The following SLCO3A1 variants were observed in gnomAD, a reference collection of about 807,000 sequenced individuals.
SLCO3A1 encodes PGE1 transporter.
A neutral mutation model predicts 63.1 loss-of-function variants in SLCO3A1; 27 were observed. That is an observed-to-expected ratio of 0.43 (90% CI 0.32 to 0.59). The LOEUF (loss-of-function observed/expected upper bound fraction) is 0.59. Among genes scored for constraint, SLCO3A1 ranks in the 20% least tolerant of loss-of-function variants. The pLI, the probability that SLCO3A1 is intolerant of heterozygous loss-of-function variation, is 0.09. For synonymous variants in SLCO3A1, 473 were observed against 409.9 expected (o/e 1.15, Z -1.86); for missense variants, 773 against 945.8 (o/e 0.82, Z 2.40).
chr15:91,990,422 T>A (rs967990737), intron 2 of SLCO3A1, among the ~76,000 whole-genome samples: 1 of 152,070 alleles, frequency 6.6e-6, no homozygotes, highest in Non-Finnish European at 1.5e-5. Context: ...TTTCACTCTC[T>A]CAGCACACCT....
chr15:92,128,723 G>C (rs1047966063), intron 7 of SLCO3A1, among the ~76,000 whole-genome samples: 1 of 152,206 alleles, frequency 6.6e-6, no homozygotes, highest in African/African-American at 2.4e-5. Context: ...TTCAAAGGAA[G>C]CTGTATATAT....
At chr15:92,056,451 C>G (rs2047022883) in intron 2 of SLCO3A1, among the ~76,000 whole-genome samples, 1 of 152,146 alleles carries the variant, frequency 6.6e-6, no homozygotes, top group African/African-American at 2.4e-5. Flanking sequence ...AAGTCCCTGC[C>G]ACGCTTCTAT....
At chr15:91,926,710 C>T (rs918800500) in intron 2 of SLCO3A1, among the ~76,000 whole-genome samples, 1 of 152,116 alleles carries the variant, frequency 6.6e-6, no homozygotes, top group Non-Finnish European at 1.5e-5. Flanking sequence ...TTCTTTAGCG[C>T]TCAGATTCAA....
rs187433597 is a variant in SLCO3A1 at position 91,863,491 on chromosome 15, G to C, written c.180+9403G>C. ...CCGTTTCATTTCTCAGAGTGCTGCT[G>C]TGATAGCACTTGGAATTTACTGTGT... On this transcript the variant is annotated intron_variant, in intron 1 of 9. Coordinates refer to ENST00000318445, the MANE Select transcript of SLCO3A1 (RefSeq NM_013272.4). This position sits in a 1 kb window ranked among gnomAD's most constrained non-coding sequence, Gnocchi z 4.3. Among the ~76,000 whole-genome samples, 3 of 152,374 alleles carry C rather than the reference G, an allele frequency of 2.0e-5. 1 individual carries two copies. In the East Asian group the frequency reaches 5.8e-4, roughly 29 times the overall value.
intron 1 of SLCO3A1, among the ~76,000 whole-genome samples, chr15:91,858,528 T>C (rs1252235177): frequency 6.6e-6 from 1 of 152,210 alleles, no homozygotes; most frequent in African/African-American, 2.4e-5. Flanking sequence ...TAGAAGAAAC[T>C]GAATGAGTTG....
chr15:91,867,247 C>G (rs1597070966), intron 1 of SLCO3A1, among the ~76,000 whole-genome samples: 1 of 152,288 alleles, frequency 6.6e-6, no homozygotes, highest in East Asian at 1.9e-4. Flanking sequence ...GAGGGACCTT[C>G]ATCCAGGGCA....
At chr15:92,096,443 C>T (rs1037235853) in intron 3 of SLCO3A1, among the ~76,000 whole-genome samples, 2 of 152,178 alleles carry the variant, frequency 1.3e-5, no homozygotes, top group Non-Finnish European at 2.9e-5. Context: ...TTTAGGGGAC[C>T]GTCTGGGTCA....
chr15:92,024,635 C>G (rs2046548890), intron 2 of SLCO3A1, among the ~76,000 whole-genome samples: 1 of 152,156 alleles, frequency 6.6e-6, no homozygotes, highest in South Asian at 2.1e-4. Flanking sequence ...AAGGCAAAGT[C>G]AAAATCTTCA....
At chr15:92,147,864 C>T (rs2048249833) in intron 8 of SLCO3A1, among the ~76,000 whole-genome samples, 1 of 152,072 alleles carries the variant, frequency 6.6e-6, no homozygotes, top group Non-Finnish European at 1.5e-5. Context: ...TGTTGGAAAC[C>T]CAGAAGTGAA....
At chr15:91,995,815 A>ATGAT (rs2046185464) in intron 2 of SLCO3A1, among the ~76,000 whole-genome samples, 1 of 152,122 alleles carries the variant, frequency 6.6e-6, no homozygotes, top group Middle Eastern at 3.4e-3. Flanking sequence ...ATATGAATTC[A>ATGAT]TGATTAAAAA....
intron 2 of SLCO3A1, among the ~76,000 whole-genome samples, chr15:91,988,240 A>G (rs149733890): frequency 0.017 from 2,526 of 151,814 alleles, 44 homozygotes; most frequent in Non-Finnish European, 0.025. Context: ...TCGTCTCTAC[A>G]AAAAAAATAA....
At chr15:92,037,370 G>A (rs1567080890) in intron 2 of SLCO3A1, among the ~76,000 whole-genome samples, 1 of 152,132 alleles carries the variant, frequency 6.6e-6, no homozygotes, top group Non-Finnish European at 1.5e-5. Flanking sequence ...AGACTGATGC[G>A]TGGTGATATT....
chr15:92,167,112 T>G (rs985521578), downstream of SLCO3A1, among the ~76,000 whole-genome samples: 2 of 152,252 alleles, frequency 1.3e-5, no homozygotes, highest in Non-Finnish European at 2.9e-5. Context: ...TTGGTTTAGA[T>G]GAGGGAAGAA....
chr15:91,954,892 C>A lies in SLCO3A1; in HGVS notation c.646+38434C>A, dbSNP rs993838064. ...CTGCCCAAGGGCTGGACAGCACCACCCCTCCTAATTCCTAGGAATTAGGCC... is the reference window on the plus strand; with the variant it reads ...CTGCCCAAGGGCTGGACAGCACCACACCTCCTAATTCCTAGGAATTAGGCC... On this transcript the variant is annotated intron_variant, in intron 2 of 9. Coordinates refer to ENST00000318445, the MANE Select transcript of SLCO3A1 (RefSeq NM_013272.4). This position sits in a 1 kb window ranked among gnomAD's most constrained non-coding sequence, Gnocchi z 4.7. Among the ~76,000 whole-genome samples the A allele has an allele frequency of 9.9e-5, 15 of 152,096 alleles. No homozygotes were observed. The highest frequency in any genetic ancestry group is 3.6e-4 in the African/African-American group (15 of 41,408).
intron 2 of SLCO3A1, among the ~76,000 whole-genome samples, chr15:91,963,380 C>G (rs376192035): frequency 2.7e-5 from 2 of 73,134 alleles, no homozygotes; most frequent in Non-Finnish European, 5.1e-5. Flanking sequence ...CACAGTTTCT[C>G]TCTCGTGAGG....
At chr15:92,150,794 A>C (rs1033288263) in intron 8 of SLCO3A1, among the ~76,000 whole-genome samples, 156 bp from the exon 9 acceptor site, 3 of 152,172 alleles carry the variant, frequency 2.0e-5, no homozygotes, top group African/African-American at 7.2e-5. Flanking sequence ...AGGCAGAAAA[A>C]AAAAAAGACA....
chr15:92,100,044 C>G (rs1377181591), intron 3 of SLCO3A1, among the ~76,000 whole-genome samples: 3 of 146,730 alleles, frequency 2.0e-5, no homozygotes, highest in African/African-American at 7.6e-5. Flanking sequence ...ACAGCCTGGG[C>G]AATAGAGTGA....
intron 9 of SLCO3A1, chr15:92,157,022 G>T (rs1392641712): frequency 6.6e-6 from 1 of 152,230 alleles, no homozygotes; most frequent in Non-Finnish European, 1.5e-5. Context: ...AACAGAGACA[G>T]TGTTCTTAAA....
chr15:92,013,132 T>C (rs2046387503), intron 2 of SLCO3A1, among the ~76,000 whole-genome samples: 2 of 152,222 alleles, frequency 1.3e-5, no homozygotes, highest in African/African-American at 4.8e-5. Flanking sequence ...TGGCTTTGCA[T>C]GTGGCAGACC....
Sources: gnomAD v4.1 joint callset for allele counts (sites outside exome capture counted in the v4.1 genomes callset) on GRCh38, gnomAD v4.1.1 for gene constraint, Gnocchi (gnomAD v3.1) non-coding constraint, MANE v1.5 for transcripts, NCBI Gene and HGNC (gene_info 2026-07-23, HGNC 2026-07-21) for gene names.